Variants in MUC17 observed in about 807,000 individuals in gnomAD.
MUC17 encodes the protein mucin-17.
A neutral mutation model predicts 170.3 loss-of-function variants in MUC17; 190 were observed. The ratio of observed to expected loss-of-function variants is 1.12; its 90% CI spans 0.99 to 1.26. The LOEUF is 1.26. Ranked by LOEUF, MUC17 falls within the 50% of genes most tolerant of loss-of-function variation. The pLI is 0.00. For missense variants in MUC17, 6,415 were observed against 5,530.0 expected (o/e 1.16, Z -5.08); for synonymous variants, 2,325 against 2,002.5 (o/e 1.16, Z -4.30).
At position 101,053,342 on chromosome 7, in the gene MUC17, A is replaced by G. The variant is rs748710549; in HGVS notation, c.13269A>G (p.Gln4423=). The part of the protein sequence containing the change: ...VFRSKREVKR[Q]KYRLSQLYKW... ...TCTCTGATGTTTCCATCACTAGGCA[A>G]AAGTACAGATTGTCTCAGTTATACA... The change falls in exon 11 of 13, where the codon CAA becomes CAG. Residue 4423 remains glutamine, a synonymous_variant. Transcript: ENST00000306151. 6.2e-7 allele frequency: 1 copy of G among 1,613,984 alleles called. No individual in the cohort carries two copies. Among genetic ancestry groups the G allele is most frequent in the Non-Finnish European group, 8.5e-7 (1 of 1,179,902 alleles).
rs139938800 is a variant in MUC17, at chr7:101,042,116, G to A, written c.10700G>A (p.Arg3567His). 1.4e-4 allele frequency: 232 copies of A among 1,613,766 alleles called. 1 individual carries two copies. The highest frequency in any genetic ancestry group is 1.7e-4 in the Non-Finnish European group (199 of 1,179,982). The part of the protein sequence containing the change: ...SPATLQVTTM[R>H]MSTPSEGSSS... ...GCAACTCTTCAGGTCACCACTATGC[G>A]TATGTCTACTCCAAGTGAAGGAAGC... The change falls in exon 3 of 13, where the codon CGT becomes CAT. Residue 3567 changes from arginine (R) to histidine (H), a missense_variant. Physicochemically the swap from Arg to His is conservative, Grantham distance 29. Coordinates refer to ENST00000306151, the MANE Select transcript of MUC17 (RefSeq NM_001040105.2).
Position 101,032,446 on chromosome 7 carries a change from A to G in MUC17, c.1030A>G (p.Met344Val), listed in dbSNP as rs771404776. 2 of 1,613,932 alleles carry G rather than the reference A, an allele frequency of 1.2e-6. No homozygotes were observed. Among genetic ancestry groups the G allele is most frequent in the Non-Finnish European group, 1.7e-6 (2 of 1,179,878 alleles). Residue 344 changes from methionine to valine, a missense_variant, in exon 3 of 13, where the codon ATG becomes GTG. Coordinates refer to ENST00000306151, the MANE Select transcript of MUC17 (RefSeq NM_001040105.2). ...TPLTSTPAST[M>V]PVATSEMSTL... The stretch of plus-strand genomic sequence containing the variant: ...ATTAACAAGTACGCCTGCCAGCACC[A>G]TGCCGGTTGCCACTTCTGAAATGAG...
Position 101,037,736 on chromosome 7 carries a change from T to C in MUC17, c.6320T>C (p.Ile2107Thr), listed in dbSNP as rs1413875076. The C allele has an allele frequency of 1.9e-6, 3 of 1,613,410 alleles. No homozygotes were observed. Among genetic ancestry groups the C allele is most frequent in the African/African-American group, 1.3e-5 (1 of 74,844 alleles). The change falls in exon 3 of 13, where the codon ATA (isoleucine) becomes ACA (threonine). Residue 2107 changes from isoleucine (I) to threonine (T), a missense_variant. By Grantham distance (89) the Ile-to-Thr change is moderately conservative. Transcript: ENST00000306151. Reference sequence around the variant, plus strand: ...GAAGGAAGTCCTCTACTAACAAGTATACCTCTCAGCACCACGCCGGTGGCC... The same window carrying C: ...GAAGGAAGTCCTCTACTAACAAGTACACCTCTCAGCACCACGCCGGTGGCC... ...PSEGSPLLTS[I>T]PLSTTPVASP...
Position 101,033,035 on chromosome 7 carries a change from C to A in MUC17, c.1619C>A (p.Thr540Lys), listed in dbSNP as rs1397516360. ...TCAACAACTCCTGTTGACACCAGCA[C>A]ACCTGTGACCACTTCTAGTGAAGCC... is the stretch of plus-strand genomic sequence containing the variant. ...TLSTTPVDTSTPVTTSSEASS... is the reference protein window; with the variant it reads ...TLSTTPVDTSKPVTTSSEASS... Residue 540 changes from threonine (T) to lysine (K), a missense_variant, in exon 3 of 13, where the codon ACA (threonine) becomes AAA (lysine). By Grantham distance (78) the Thr-to-Lys change is moderately conservative. Transcript: ENST00000306151. 1 of 1,613,872 alleles carries A rather than the reference C, an allele frequency of 6.2e-7. No homozygotes were observed. Among genetic ancestry groups the A allele is most frequent in the Admixed American group, 1.7e-5 (1 of 59,964 alleles).
At position 101,038,103 on chromosome 7, in the gene MUC17, C is replaced by T; in HGVS notation, c.6687C>T (p.Thr2229=). 4 of 1,405,770 alleles carry T rather than the reference C, an allele frequency of 2.8e-6. No homozygotes were observed. In the South Asian group the frequency reaches 4.6e-5, roughly 16 times the overall value. The allele number at this position is 1,405,770 out of a possible 1,614,324, so 87.1% of individuals were successfully genotyped here. Residue 2229 remains threonine, a synonymous_variant, in exon 3 of 13, where the codon ACC becomes ACT. Coordinates refer to ENST00000306151, the MANE Select transcript of MUC17 (RefSeq NM_001040105.2). Reference sequence around the variant, plus strand: ...CATTCACAAGTATGCCTGTCAGCACCATGCCGGTAGTTACTTCTGAGGCTA... The same window carrying T: ...CATTCACAAGTATGCCTGTCAGCACTATGCCGGTAGTTACTTCTGAGGCTA... ...STPFTSMPVS[T]MPVVTSEAST...
In MUC17 at chr7:101,058,338, T is replaced by C. The variant is rs117451414; in HGVS notation, c.*294T>C. The C allele has an allele frequency of 0.019, 4,735 of 254,694 alleles. 74 individuals carry two copies. The highest frequency in any genetic ancestry group is 0.026 in the Middle Eastern group (20 of 782). 15.8% of individuals were successfully genotyped at this position (254,694 alleles called of 1,614,324 possible). On this transcript the variant is annotated 3_prime_UTR_variant, in exon 13 of 13. Transcript: ENST00000306151. The stretch of plus-strand genomic sequence containing the variant: ...TCTGACTGCAACATCTTTCACCCCA[T>C]TGATCGCCAGGATTGATTTGGTTGA...
At position 101,039,265 on chromosome 7, in the gene MUC17, A is replaced by T; in HGVS notation, c.7849A>T (p.Thr2617Ser). 6.2e-7 allele frequency: 1 copy of T among 1,612,870 alleles called. No homozygotes were observed. Among genetic ancestry groups the T allele is most frequent in the Non-Finnish European group, 8.5e-7 (1 of 1,179,632 alleles). ...TSTETSSSPT[T>S]AKDTSMPIST... is the part of the protein sequence containing the mutation. ...TACTGAAACCAGTTCATCTCCTACA[A>T]CTGCAAAAGATACCAGCATGCCAAT... Residue 2617 changes from threonine (T) to serine (S), a missense_variant, in exon 3 of 13, where the codon ACT (threonine) becomes TCT (serine). By Grantham distance (58) the Thr-to-Ser change is moderately conservative. Transcript: ENST00000306151.
At chr7:101,054,057 CAAAAAAAAAAAAA>C (rs58623975) in intron 11 of MUC17, among the ~76,000 whole-genome samples, 34 of 40,384 alleles carry the variant, frequency 8.4e-4, no homozygotes, top group East Asian at 2.5e-3. Context: ...AAGACCCTGT[CAAAAAAAAAAAAA>C]AAAAAAAAAA....
In MUC17 at chr7:101,041,603, A is replaced by T; in HGVS notation, c.10187A>T (p.Glu3396Val). Residue 3396 changes from glutamate (E) to valine (V), a missense_variant, in exon 3 of 13, where the codon GAA (glutamate) becomes GTA (valine). Coordinates refer to ENST00000306151, the MANE Select transcript of MUC17 (RefSeq NM_001040105.2). Reference protein sequence around the residue: ...GTSIPTSSPSEGTTPLASMPV... With the variant: ...GTSIPTSSPSVGTTPLASMPV... ...AGCATACCAACCTCAAGTCCTAGTG[A>T]AGGAACCACTCCATTAGCAAGTATG... is the stretch of plus-strand genomic sequence containing the variant. 5 of 1,613,712 alleles carry T rather than the reference A, an allele frequency of 3.1e-6. No homozygotes were observed. The highest frequency in any genetic ancestry group is 4.2e-6 in the Non-Finnish European group (5 of 1,179,926).
chr7:101,040,700 T>C lies in MUC17; in HGVS notation c.9284T>C (p.Met3095Thr). ...CCTACACCTGCTGAAGGTACCAGCA[T>C]GCCAATCTCAACTTATAGTGAAGGA... ...SSPTPAEGTS[M>T]PISTYSEGST... The change falls in exon 3 of 13, where the codon ATG (methionine) becomes ACG (threonine). Residue 3095 changes from methionine to threonine, a missense_variant. Met to Thr is a moderately conservative substitution (Grantham distance 81). Transcript: ENST00000306151. The C allele has an allele frequency of 6.2e-7, 1 of 1,613,366 alleles. No individual in the cohort carries two copies. Among genetic ancestry groups the C allele is most frequent in the Non-Finnish European group, 8.5e-7 (1 of 1,179,826 alleles).
intron 1 of MUC17, among the ~76,000 whole-genome samples, chr7:101,020,442 C>A (rs564478208): frequency 3.0e-4 from 46 of 152,152 alleles, no homozygotes; most frequent in Non-Finnish European, 5.6e-4. Context: ...GGTCTCTGAG[C>A]CTTAGTTTCC....
At chr7:101,024,124 G>A (rs1473380196) in intron 1 of MUC17, among the ~76,000 whole-genome samples, 3 of 152,058 alleles carry the variant, frequency 2.0e-5, no homozygotes, top group Non-Finnish European at 1.5e-5. Context: ...TTGCTGACCA[G>A]GAGTAGTGAT....
Position 101,043,226 on chromosome 7 carries a change from C to A in MUC17, c.11810C>A (p.Thr3937Lys), listed in dbSNP as rs144836867. The change falls in exon 3 of 13, where the codon ACA (threonine) becomes AAA (lysine). Residue 3937 changes from threonine to lysine, a missense_variant. By Grantham distance (78) the Thr-to-Lys change is moderately conservative (BLOSUM62 -1). Transcript: ENST00000306151. ...ATCACAGAAGGAAGCACACCTGGGA[C>A]AACCATTTTTATTCCCAGCACTCCT... The part of the protein sequence containing the change: ...SVITEGSTPG[T>K]TIFIPSTPVT... The A allele has an allele frequency of 5.6e-6, 9 of 1,614,042 alleles. No individual in the cohort carries two copies. In the African/African-American group the frequency reaches 9.3e-5, roughly 17 times the overall value.
At position 101,038,977 on chromosome 7, in the gene MUC17, C is replaced by T. The variant is rs768124622; in HGVS notation, c.7561C>T (p.Pro2521Ser). The T allele has an allele frequency of 6.2e-7, 1 of 1,614,098 alleles. No homozygotes were observed. The highest frequency in any genetic ancestry group is 1.1e-5 in the South Asian group (1 of 91,072). Residue 2521 changes from proline to serine, a missense_variant, in exon 3 of 13, where the codon CCT becomes TCT. Transcript: ENST00000306151. ...AGGAAGTACTCTATTAACAAGTATA[C>T]CTGTCAGCACCACGCCAGTGGCCAG... ...SEGSTLLTSI[P>S]VSTTPVASPE...
chr7:101,052,967 C>A lies in MUC17; in HGVS notation c.13104-19C>A, dbSNP rs374374720. ...ACTCCGTTCTCTCTCCCCAACCTGC[C>A]GCTTCTCTCCCATCTCAGCTGCGTG... On this transcript the variant is annotated intron_variant, in intron 9 of 12. Coordinates refer to ENST00000306151, the MANE Select transcript of MUC17 (RefSeq NM_001040105.2). 2 of 1,605,712 alleles carry A rather than the reference C, an allele frequency of 1.2e-6. No homozygotes were observed. The highest frequency in any genetic ancestry group is 8.5e-7 in the Non-Finnish European group (1 of 1,175,190).
Position 101,042,049 on chromosome 7 carries a change from A to C in MUC17, c.10633A>C (p.Asn3545His), listed in dbSNP as rs142701406. Residue 3545 changes from asparagine to histidine, a missense_variant, in exon 3 of 13, where the codon AAC becomes CAC. By Grantham distance (68) the Asn-to-His change is moderately conservative (BLOSUM62 1). Coordinates refer to ENST00000306151, the MANE Select transcript of MUC17 (RefSeq NM_001040105.2). Reference sequence around the variant, plus strand: ...CCTTTCAACAACTCCTGTTGACTCCAACACTTTTGTTACCAGTTCTAGTCA... The same window carrying C: ...CCTTTCAACAACTCCTGTTGACTCCCACACTTTTGTTACCAGTTCTAGTCA... The part of the protein sequence containing the change: ...STLSTTPVDS[N>H]TFVTSSSQAS... The C allele has an allele frequency of 3.5e-5, 56 of 1,613,928 alleles. No homozygotes were observed. The African/African-American group carries it at 7.1e-4, about 20-fold the overall frequency.
intron 12 of MUC17, 45 bp downstream of exon 12, chr7:101,056,315 A>G: frequency 1.9e-6 from 3 of 1,607,594 alleles, no homozygotes; most frequent in Non-Finnish European, 2.6e-6. Context: ...CAACCCTGCG[A>G]CTTTCTTCTT....
Position 101,054,057 on chromosome 7 carries a change from CAAAAAAAAAAAAAAAA to C in MUC17, c.13363+641_13363+656del, listed in dbSNP as rs58623975. 5.9e-3 allele frequency among the ~76,000 whole-genome samples: 237 copies of C among 40,384 alleles called. 3 individuals carry two copies. Among genetic ancestry groups the C allele is most frequent in the African/African-American group, 0.018 (207 of 11,682 alleles). The allele number at this position is 40,384 out of a possible 152,430, so 26.5% of individuals were successfully genotyped here. A position where few individuals can be genotyped will look rare whatever the true frequency, so the allele number is the denominator to read the frequency against. ...CCTGGGCAACAGAACAAGACCCTGT[CAAAAAAAAAAAAAAAA>C]AAAAAAAAAAAAAAAAAAAGAGTAC... On this transcript the variant is annotated intron_variant, in intron 11 of 12. Transcript: ENST00000306151.
rs139270811 is a variant in MUC17, at chr7:101,039,962, C to T, written c.8546C>T (p.Ser2849Leu). Residue 2849 changes from serine to leucine, a missense_variant, in exon 3 of 13, where the codon TCA becomes TTA. Ser to Leu is a moderately radical substitution (Grantham distance 145). Coordinates refer to ENST00000306151, the MANE Select transcript of MUC17 (RefSeq NM_001040105.2). The part of the protein sequence containing the change: ...TPVTTSTKAS[S>L]SPTTAEGIVV... The stretch of plus-strand genomic sequence containing the variant: ...GTGACCACTTCTACTAAAGCCAGTT[C>T]ATCTCCTACAACTGCTGAAGGTATC... The T allele has an allele frequency of 4.7e-5, 76 of 1,613,620 alleles. No homozygotes were observed. In the African/African-American group the frequency reaches 8.8e-4, roughly 19 times the overall value.
Sources: gnomAD v4.1 joint callset for allele counts (sites outside exome capture counted in the v4.1 genomes callset) on GRCh38, gnomAD v4.1.1 for gene constraint, MANE v1.5 for transcripts, NCBI Gene and HGNC (gene_info 2026-07-23, HGNC 2026-07-21) for gene names.